PALM2AKAP2: variants seen among roughly 807,000 people sequenced by gnomAD.
PALM2AKAP2 encodes PALM2-AKAP2 fusion protein.
PALM2AKAP2 carries 37 observed loss-of-function variants against 71.5 expected under a neutral mutation model. The ratio of observed to expected loss-of-function variants is 0.52; its 90% CI spans 0.40 to 0.68. The LOEUF is 0.68. Among genes scored for constraint, PALM2AKAP2 ranks in the 30% least tolerant of loss-of-function variants. The pLI is 0.00. For missense variants in PALM2AKAP2, 1,224 were observed against 1,191.8 expected (o/e 1.03, Z -0.40); for synonymous variants, 468 against 478.8 (o/e 0.98, Z 0.29).
chr9:109,715,721 C>A (rs750658997), intron 1 of PALM2AKAP2, among the ~76,000 whole-genome samples: 47 of 152,216 alleles, frequency 3.1e-4, no homozygotes, highest in East Asian at 1.3e-3. Context: ...TCCAGAGAGA[C>A]AATTCACCTC....
intron 2 of PALM2AKAP2, among the ~76,000 whole-genome samples, chr9:109,878,215 G>A (rs560501159): frequency 2.0e-5 from 3 of 152,250 alleles, no homozygotes; most frequent in African/African-American, 7.2e-5. Context: ...ACTATCATAC[G>A]ATGCCCTATA....
intron 7 of PALM2AKAP2, among the ~76,000 whole-genome samples, chr9:110,032,822 C>T (rs1397433172): frequency 2.6e-5 from 4 of 151,678 alleles, no homozygotes; most frequent in Non-Finnish European, 5.9e-5. Flanking sequence ...CATGTCGTCT[C>T]AGCTACTCAG....
chr9:109,902,925 C>T (rs1054753309), intron 3 of PALM2AKAP2, among the ~76,000 whole-genome samples: 1 of 152,162 alleles, frequency 6.6e-6, no homozygotes, highest in African/African-American at 2.4e-5. Context: ...CTCACTCAGT[C>T]CCACAGATAC....
chr9:109,718,976 G>A (rs1828367608), intron 1 of PALM2AKAP2, among the ~76,000 whole-genome samples: 1 of 151,774 alleles, frequency 6.6e-6, no homozygotes, highest in Non-Finnish European at 1.5e-5. Context: ...TTGAAACAGA[G>A]GAAAAAAATG....
In PALM2AKAP2 at chr9:110,026,851, C is replaced by T. The variant is rs574173955; in HGVS notation, c.582+10812C>T. On this transcript the variant is annotated intron_variant, in intron 7 of 9. Coordinates refer to the PALM2AKAP2 transcript ENST00000302798. ...TTGAGGTCAGGAATTCAAGACCAGC[C>T]TTGCCAAATGGTGAAACCCCGTCTC... Among the ~76,000 whole-genome samples the T allele has an allele frequency of 7.2e-5, 11 of 152,214 alleles. No individual in the cohort carries two copies. In the South Asian group the frequency reaches 1.9e-3, roughly 26 times the overall value.
intron 1 of PALM2AKAP2, among the ~76,000 whole-genome samples, chr9:109,795,287 G>A (rs2118898937): frequency 6.6e-6 from 1 of 152,186 alleles, no homozygotes; most frequent in Admixed American, 6.5e-5. Flanking sequence ...ATAACATAAA[G>A]GTTACCTGAC....
At chr9:110,008,428 T>A (rs867864250) in intron 6 of PALM2AKAP2, among the ~76,000 whole-genome samples, 1 of 150,700 alleles carries the variant, frequency 6.6e-6, no homozygotes, top group Non-Finnish European at 1.5e-5. Flanking sequence ...TAATAATAAT[T>A]ATTATAATAA....
chr9:110,045,442 C>T (rs1833579128), upstream of PALM2AKAP2, among the ~76,000 whole-genome samples: 1 of 152,182 alleles, frequency 6.6e-6, no homozygotes, highest in Non-Finnish European at 1.5e-5. Context: ...TAACCTTGCC[C>T]ATTGCCAGTG....
chr9:110,165,398 G>A (rs1364988027), intron 3 of PALM2AKAP2, among the ~76,000 whole-genome samples: 3 of 151,954 alleles, frequency 2.0e-5, no homozygotes, highest in Non-Finnish European at 4.4e-5. Context: ...AAGACCAGTT[G>A]TGGTGCAGCT....
chr9:110,152,497 A>G (rs1017623948), intron 2 of PALM2AKAP2, among the ~76,000 whole-genome samples: 1 of 152,150 alleles, frequency 6.6e-6, no homozygotes, highest in Non-Finnish European at 1.5e-5. Flanking sequence ...GGGGAGTCTA[A>G]TGGGGCATGT....
intron 1 of PALM2AKAP2, among the ~76,000 whole-genome samples, chr9:109,736,055 A>G (rs1461739713): frequency 6.6e-6 from 1 of 152,154 alleles, no homozygotes; most frequent in Non-Finnish European, 1.5e-5. Flanking sequence ...CTTGGGGCCA[A>G]ATTCACACTG....
Position 109,923,869 on chromosome 9 carries a change from T to C in PALM2AKAP2, c.372+20T>C. 2 of 1,552,588 alleles carry C rather than the reference T, an allele frequency of 1.3e-6. No individual in the cohort carries two copies. The highest frequency in any genetic ancestry group is 1.7e-6 in the Non-Finnish European group (2 of 1,154,764). On this transcript the variant is annotated intron_variant, in intron 4 of 9. Transcript: ENST00000302798. Reference sequence around the variant, plus strand: ...CAGAAGGTGAAGAAAACCAAAACGATTTCTCAAAGTTATTTCCATGGGGAA... The same window carrying C: ...CAGAAGGTGAAGAAAACCAAAACGACTTCTCAAAGTTATTTCCATGGGGAA...
Position 109,661,416 on chromosome 9 carries a change from A to G in PALM2AKAP2, c.5+20550A>G, listed in dbSNP as rs564804864. Among the ~76,000 whole-genome samples, 7 of 152,352 alleles carry G rather than the reference A, an allele frequency of 4.6e-5. No homozygotes were observed. In the South Asian group the frequency reaches 1.5e-3, roughly 32 times the overall value. ...GTTTTCCCAGCACCATTTATTTAAT[A>G]GGGAATCCTTTCCCCATTGCTTGTT... On this transcript the variant is annotated intron_variant, in intron 1 of 6. Transcript: ENST00000374531.
At chr9:109,925,450 A>C (rs748040085) in intron 5 of PALM2AKAP2, among the ~76,000 whole-genome samples, 1 of 152,128 alleles carries the variant, frequency 6.6e-6, no homozygotes, top group Non-Finnish European at 1.5e-5. Flanking sequence ...TTAGGTCCTC[A>C]GGTTGAAACA....
chr9:110,053,145 C>A (rs1433169744), intron 1 of PALM2AKAP2, among the ~76,000 whole-genome samples: 1 of 152,168 alleles, frequency 6.6e-6, no homozygotes, highest in Non-Finnish European at 1.5e-5. Context: ...CTGCCCTCGC[C>A]TCCTTTTCCC....
At chr9:109,822,052 T>A (rs563845811) in intron 1 of PALM2AKAP2, among the ~76,000 whole-genome samples, 1 of 152,358 alleles carries the variant, frequency 6.6e-6, no homozygotes, top group South Asian at 2.1e-4. Context: ...TATCATTGCA[T>A]GTTACATGAG....
intron 2 of PALM2AKAP2, among the ~76,000 whole-genome samples, chr9:110,150,465 T>G (rs1332605270): frequency 1.3e-5 from 2 of 152,206 alleles, no homozygotes; most frequent in Non-Finnish European, 2.9e-5. Flanking sequence ...AGGCCAGCAG[T>G]GCAGCATCTT....
At chr9:109,965,086 A>G (rs547567341) in intron 6 of PALM2AKAP2, among the ~76,000 whole-genome samples, 2 of 152,352 alleles carry the variant, frequency 1.3e-5, no homozygotes, top group South Asian at 4.1e-4. Flanking sequence ...GTTTATTAGT[A>G]AAAGCAGAAT....
At chr9:109,885,973 C>T (rs779335025) in intron 3 of PALM2AKAP2, among the ~76,000 whole-genome samples, 1 of 152,200 alleles carries the variant, frequency 6.6e-6, no homozygotes, top group Non-Finnish European at 1.5e-5. Flanking sequence ...ACCCGGCTGC[C>T]ACAGTGGAGA....
Sources: gnomAD v4.1 joint callset for allele counts (sites outside exome capture counted in the v4.1 genomes callset) on GRCh38, gnomAD v4.1.1 for gene constraint, MANE v1.5 for transcripts, NCBI Gene and HGNC (gene_info 2026-07-23, HGNC 2026-07-21) for gene names.